Variants in EPHB1 observed in about 807,000 individuals in gnomAD.
EPHB1 encodes EPH receptor B1.
A neutral mutation model predicts 94.4 loss-of-function variants in EPHB1; 30 were observed. The observed-to-expected ratio is 0.32, with a 90% CI of 0.24 to 0.43. The LOEUF (loss-of-function observed/expected upper bound fraction) is 0.43. Among genes scored for constraint, EPHB1 ranks in the 20% least tolerant of loss-of-function variants. The probability of loss-of-function intolerance (pLI) is 1.00; values close to 1 mark genes in which losing one functional copy is unlikely to be tolerated. For missense variants in EPHB1, 1,055 were observed against 1,308.3 expected, an observed-to-expected ratio of 0.81 and a Z score of 2.99; for synonymous variants, 522 against 489.1, an observed-to-expected ratio of 1.07 and a Z score of -0.89.
rs546694021 is a variant in EPHB1 at position 135,047,174 on chromosome 3, CAAA to C, written c.806-59270_806-59268del. Among the ~76,000 whole-genome samples the C allele has an allele frequency of 1.4e-3, 220 of 152,132 alleles. 3 individuals carry two copies. The highest frequency in any genetic ancestry group is 0.014 in the Admixed American group (208 of 15,282). On this transcript the variant is annotated intron_variant, in intron 3 of 15. Coordinates refer to ENST00000398015, the MANE Select transcript of EPHB1 (RefSeq NM_004441.5). ...ACAGCGCACAACAGTCCAATGAACT[CAAA>C]AAAGGCCCTGATGGAGGGAGAGAGA...
intron 1 of EPHB1, among the ~76,000 whole-genome samples, chr3:134,840,756 G>C (rs2036760754): frequency 6.6e-6 from 1 of 152,172 alleles, no homozygotes; most frequent in Admixed American, 6.5e-5. Flanking sequence ...ACAGAGCACA[G>C]AACTGGTACA....
chr3:135,245,513 C>A (rs1174934359), intron 13 of EPHB1, among the ~76,000 whole-genome samples: 29 of 124,000 alleles, frequency 2.3e-4, no homozygotes, highest in African/African-American at 7.1e-4. Context: ...GAACAGTCTT[C>A]AAAAAAAAAA....
At chr3:135,163,827 G>A (rs893225301) in intron 7 of EPHB1, among the ~76,000 whole-genome samples, 23 of 152,182 alleles carry the variant, frequency 1.5e-4, no homozygotes. Context: ...TTTGTCTTAC[G>A]ACTGAGGTTC....
At chr3:135,159,380 T>C (rs1219247532) in intron 6 of EPHB1, among the ~76,000 whole-genome samples, 5 of 152,190 alleles carry the variant, frequency 3.3e-5, no homozygotes, top group Non-Finnish European at 7.3e-5. Flanking sequence ...ATTAAAACAG[T>C]TTTTCAATAA....
intron 5 of EPHB1, among the ~76,000 whole-genome samples, chr3:135,134,624 A>G (rs1940549380): frequency 6.6e-6 from 1 of 152,206 alleles, no homozygotes; most frequent in South Asian, 2.1e-4. Context: ...GGTGCCGTAG[A>G]GACAAAGGTT....
At chr3:134,849,018 A>G (rs2036926272) in intron 1 of EPHB1, among the ~76,000 whole-genome samples, 1 of 152,258 alleles carries the variant, frequency 6.6e-6, no homozygotes, top group African/African-American at 2.4e-5. Flanking sequence ...ACACCTACGC[A>G]CAAGGCGGGA....
intron 1 of EPHB1, among the ~76,000 whole-genome samples, chr3:134,919,564 T>C (rs945747379): frequency 1.3e-5 from 2 of 152,118 alleles, no homozygotes; most frequent in African/African-American, 4.8e-5. Context: ...TAAACACCTT[T>C]AGTGCTGGGC....
intron 5 of EPHB1, among the ~76,000 whole-genome samples, chr3:135,146,260 G>A (rs147595172): frequency 2.2e-4 from 34 of 152,324 alleles, no homozygotes; most frequent in African/African-American, 7.5e-4. Flanking sequence ...ATGGAATTAG[G>A]GCTTTTTCTA....
At chr3:135,125,331 C>G (rs1015944370) in intron 4 of EPHB1, among the ~76,000 whole-genome samples, 1 of 151,618 alleles carries the variant, frequency 6.6e-6, no homozygotes, top group African/African-American at 2.4e-5. Flanking sequence ...AGAAGCACCC[C>G]CACTGTTGGC....
At chr3:135,217,161 G>A (rs1447156876) in intron 12 of EPHB1, among the ~76,000 whole-genome samples, 1 of 152,048 alleles carries the variant, frequency 6.6e-6, no homozygotes, top group East Asian at 1.9e-4. Flanking sequence ...CAAACAGCCC[G>A]AGACCTTCTT....
chr3:135,157,534 G>C (rs1941389351), intron 6 of EPHB1, among the ~76,000 whole-genome samples: 1 of 152,226 alleles, frequency 6.6e-6, no homozygotes, highest in Non-Finnish European at 1.5e-5. Context: ...ATACACAGCA[G>C]CCCAATGCCT....
chr3:134,817,891 C>T (rs941001371), intron 1 of EPHB1, among the ~76,000 whole-genome samples: 5 of 152,228 alleles, frequency 3.3e-5, no homozygotes, highest in South Asian at 2.1e-4. Flanking sequence ...AGGGGGAAAG[C>T]GCAATGACTG....
intron 3 of EPHB1, among the ~76,000 whole-genome samples, chr3:135,015,488 C>T (rs1420037527): frequency 2.0e-5 from 3 of 152,132 alleles, no homozygotes; most frequent in Non-Finnish European, 4.4e-5. Context: ...GTGATCTGCT[C>T]GCCTCTGCCT....
intron 1 of EPHB1, among the ~76,000 whole-genome samples, chr3:134,925,068 C>A (rs1279933283): frequency 6.6e-6 from 1 of 152,176 alleles, no homozygotes; most frequent in Non-Finnish European, 1.5e-5. Context: ...TGCAGTTTAT[C>A]CCTGACGGCT....
At chr3:134,972,872 C>A (rs1420925483) in intron 3 of EPHB1, among the ~76,000 whole-genome samples, 3 of 152,110 alleles carry the variant, frequency 2.0e-5, no homozygotes, top group Non-Finnish European at 2.9e-5. Context: ...AAATGGCCGT[C>A]CTGCCTTGCT....
At chr3:135,115,333 T>C (rs1309209545) in intron 4 of EPHB1, among the ~76,000 whole-genome samples, 1 of 152,178 alleles carries the variant, frequency 6.6e-6, no homozygotes, top group Non-Finnish European at 1.5e-5. Flanking sequence ...CGGAACTTAA[T>C]TGTTGCCACA....
intron 5 of EPHB1, among the ~76,000 whole-genome samples, chr3:135,149,858 G>A (rs1223277468): frequency 5.3e-5 from 8 of 152,266 alleles, no homozygotes; most frequent in Middle Eastern, 6.8e-3. Flanking sequence ...TCCCAGACCC[G>A]AGTGCCGCTG....
intron 3 of EPHB1, among the ~76,000 whole-genome samples, chr3:134,972,999 G>A (rs1261141692): frequency 6.6e-6 from 1 of 152,194 alleles, no homozygotes; most frequent in African/African-American, 2.4e-5. Context: ...TGGCCCAGGG[G>A]GGTTGGTCTG....
At chr3:135,000,681 T>C (rs1935144231) in intron 3 of EPHB1, among the ~76,000 whole-genome samples, 1 of 152,244 alleles carries the variant, frequency 6.6e-6, no homozygotes, top group African/African-American at 2.4e-5. Flanking sequence ...ATGCCTGATA[T>C]TGTGCAATTG....
Sources: gnomAD v4.1 joint callset for allele counts (sites outside exome capture counted in the v4.1 genomes callset) on GRCh38, gnomAD v4.1.1 for gene constraint, MANE v1.5 for transcripts, NCBI Gene and HGNC (gene_info 2026-07-23, HGNC 2026-07-21) for gene names.